The following TMEM132C variants were observed in gnomAD, a reference collection of about 807,000 sequenced individuals.
The protein encoded by TMEM132C is protein phosphatase 1, regulatory subunit 152.
In TMEM132C, 29 loss-of-function variants were observed where a neutral mutation model predicts 61.4. The observed-to-expected ratio is 0.47, with a 90% CI of 0.35 to 0.64. The LOEUF (loss-of-function observed/expected upper bound fraction) is 0.64. Ranked by LOEUF, TMEM132C falls within the 30% of genes least tolerant of loss-of-function variation. TMEM132C has a pLI of 0.00. For missense variants in TMEM132C, 1,408 were observed against 1,476.9 expected (o/e 0.95, Z 0.76); for synonymous variants, 656 against 633.1 (o/e 1.04, Z -0.54).
intron 4 of TMEM132C, among the ~76,000 whole-genome samples, chr12:128,624,524 A>G (rs1219873246): frequency 7.2e-6 from 1 of 139,662 alleles, no homozygotes; most frequent in African/African-American, 2.7e-5. Flanking sequence ...AACCTGGGTG[A>G]TAGAGTGAGA....
At chr12:128,348,917 A>T (rs878926880) in intron 1 of TMEM132C, among the ~76,000 whole-genome samples, 8 of 152,184 alleles carry the variant, frequency 5.3e-5, no homozygotes, top group Admixed American at 3.3e-4. Flanking sequence ...ACCAGTTGCC[A>T]ATTATGACAT....
intron 4 of TMEM132C, among the ~76,000 whole-genome samples, chr12:128,646,845 T>C (rs1954204679): frequency 6.6e-6 from 1 of 151,802 alleles, no homozygotes; most frequent in Admixed American, 6.6e-5. Flanking sequence ...TGAGTGTGTT[T>C]AGCTCAGTCC....
intron 4 of TMEM132C, among the ~76,000 whole-genome samples, chr12:128,625,000 AG>A (rs1156939773): frequency 6.6e-6 from 1 of 152,104 alleles, no homozygotes; most frequent in Non-Finnish European, 1.5e-5. Flanking sequence ...CTAGCAAGGG[AG>A]GGGGGTGACC....
At chr12:128,487,735 C>G (rs540760508) in intron 2 of TMEM132C, among the ~76,000 whole-genome samples, 35 of 151,862 alleles carry the variant, frequency 2.3e-4, no homozygotes, top group Non-Finnish European at 4.1e-4. Context: ...ACAGAGTGTT[C>G]CAGTCACCCT....
intron 2 of TMEM132C, among the ~76,000 whole-genome samples, chr12:128,501,262 C>T (rs891742354): frequency 1.3e-5 from 2 of 152,140 alleles, no homozygotes; most frequent in Admixed American, 6.6e-5. Flanking sequence ...ATCCTTAGGC[C>T]ACTCGAGATA....
At position 128,693,846 on chromosome 12, in the gene TMEM132C, C is replaced by A. The variant is rs370607461; in HGVS notation, c.1467C>A (p.Asp489Glu). 2.4e-4 allele frequency: 370 copies of A among 1,551,770 alleles called. 1 individual carries two copies. The highest frequency in any genetic ancestry group is 2.6e-4 in the Non-Finnish European group (300 of 1,147,004). Reference protein sequence around the residue: ...EDVIKVSERCDYIFVNGKEIK... With the variant: ...EDVIKVSERCEYIFVNGKEIK... Reference sequence around the variant, plus strand: ...CTTTGCAGGTGTCTGAGCGCTGTGACTACATCTTTGTCAATGGCAAAGAGA... The same window carrying A: ...CTTTGCAGGTGTCTGAGCGCTGTGAATACATCTTTGTCAATGGCAAAGAGA... Residue 489 changes from aspartate to glutamate, a missense_variant, in exon 6 of 9, where the codon GAC becomes GAA. Asp to Glu is a conservative substitution (Grantham distance 45). Transcript: ENST00000435159.
At chr12:128,321,913 T>A (rs80228299) in intron 1 of TMEM132C, among the ~76,000 whole-genome samples, 1,605 of 152,248 alleles carry the variant, frequency 0.011, 23 homozygotes, top group African/African-American at 0.036. Context: ...TGGTGGAAGG[T>A]CCAGCAGAGA....
intron 1 of TMEM132C, among the ~76,000 whole-genome samples, chr12:128,409,724 A>G (rs546925971): frequency 1.1e-4 from 17 of 152,246 alleles, no homozygotes; most frequent in African/African-American, 3.6e-4. Context: ...TTACACCCCA[A>G]TCAGTATCGC....
At chr12:128,451,670 AT>A in intron 2 of TMEM132C, among the ~76,000 whole-genome samples, 1 of 152,344 alleles carries the variant, frequency 6.6e-6, no homozygotes. Flanking sequence ...AACAATATTG[AT>A]TTATGAAAAA....
At chr12:128,320,190 C>G (rs1174682387) in intron 1 of TMEM132C, among the ~76,000 whole-genome samples, 1 of 151,976 alleles carries the variant, frequency 6.6e-6, no homozygotes, top group African/African-American at 2.4e-5. Context: ...AAATTAATTC[C>G]TTTTATTTCA....
At chr12:128,333,693 GTGTTTGTT>G (rs71926753) in intron 1 of TMEM132C, among the ~76,000 whole-genome samples, 3 of 151,108 alleles carry the variant, frequency 2.0e-5, no homozygotes, top group South Asian at 2.1e-4. Context: ...AGAGTGTGTG[GTGTTTGTT>G]TGTTGTCTGT....
chr12:128,572,070 T>C (rs1353308815), intron 3 of TMEM132C, among the ~76,000 whole-genome samples: 2 of 151,802 alleles, frequency 1.3e-5, no homozygotes, highest in Non-Finnish European at 2.9e-5. Flanking sequence ...TAGTCTCTGA[T>C]TGGCCAGGCC....
chr12:128,533,312 G>A (rs2136138055), intron 2 of TMEM132C, among the ~76,000 whole-genome samples: 1 of 152,288 alleles, frequency 6.6e-6, no homozygotes, highest in Middle Eastern at 3.4e-3. Context: ...CAGCTTCACA[G>A]CAGCTCCTCC....
At chr12:128,469,930 C>T (rs571144133) in intron 2 of TMEM132C, among the ~76,000 whole-genome samples, 17 of 152,080 alleles carry the variant, frequency 1.1e-4, no homozygotes, top group Non-Finnish European at 2.2e-4. Flanking sequence ...AATACATACA[C>T]ATATGTGTGT....
chr12:128,622,353 AAAAAAAAATATATATATATATAT>A lies in TMEM132C; in HGVS notation c.1305+6020_1305+6042del, dbSNP rs1280242289. On this transcript the variant is annotated intron_variant, in intron 4 of 8. Transcript: ENST00000435159. The stretch of plus-strand genomic sequence containing the variant: ...AGTGAGACTTTGTCTCAAAAAAAAA[AAAAAAAAATATATATATATATAT>A]ATATATATATATATATATATATATA... 4.1e-4 allele frequency among the ~76,000 whole-genome samples: 27 copies of A among 65,396 alleles called. 3 individuals are homozygous for A. Among genetic ancestry groups the A allele is most frequent in the African/African-American group, 2.0e-3 (26 of 12,830 alleles). The allele number at this position is 65,396 out of a possible 152,430, so 42.9% of individuals were successfully genotyped here.
chr12:128,436,824 C>G (rs931940819), intron 2 of TMEM132C, among the ~76,000 whole-genome samples: 1 of 152,164 alleles, frequency 6.6e-6, no homozygotes, highest in Non-Finnish European at 1.5e-5. Context: ...ATAAATCATA[C>G]TACTATAAAG....
intron 2 of TMEM132C, among the ~76,000 whole-genome samples, chr12:128,501,139 G>T (rs918872568): frequency 1.3e-5 from 2 of 152,030 alleles, no homozygotes; most frequent in Admixed American, 1.3e-4. Context: ...CACTTCCATA[G>T]CTCTCCCCCA....
intron 8 of TMEM132C, among the ~76,000 whole-genome samples, chr12:128,704,615 C>G (rs1238691609): frequency 6.6e-6 from 1 of 152,210 alleles, no homozygotes; most frequent in Non-Finnish European, 1.5e-5. Flanking sequence ...GTCATTGGTT[C>G]TGACAGTGTT....
intron 5 of TMEM132C, among the ~76,000 whole-genome samples, chr12:128,688,439 C>T (rs77890444): frequency 0.043 from 6,557 of 151,464 alleles, 186 homozygotes; most frequent in Middle Eastern, 0.078. Context: ...TAGGCAAAGA[C>T]GGAAAAAATG....
Sources: gnomAD v4.1 joint callset for allele counts (sites outside exome capture counted in the v4.1 genomes callset) on GRCh38, gnomAD v4.1.1 for gene constraint, MANE v1.5 for transcripts, NCBI Gene and HGNC (gene_info 2026-07-23, HGNC 2026-07-21) for gene names.